The following ARMC2 variants were observed in gnomAD, a reference collection of about 807,000 sequenced individuals.
ARMC2 encodes armadillo repeat containing 2, also known as armadillo repeat-containing protein 2.
A neutral mutation model predicts 90.3 loss-of-function variants in ARMC2; 67 were observed. The ratio of observed to expected loss-of-function variants is 0.74; its 90% CI spans 0.61 to 0.91. The LOEUF (loss-of-function observed/expected upper bound fraction) is 0.91, where lower values mean the gene tolerates loss of function less well. ARMC2 is among the 40% of genes least tolerant of loss of function. The probability of loss-of-function intolerance (pLI) is 0.00; values close to 1 mark genes in which losing one functional copy is unlikely to be tolerated. For synonymous variants in ARMC2, 393 were observed against 393.0 expected, an observed-to-expected ratio of 1.00 and a Z score of 0.00; for missense variants, 920 against 1,030.9, an observed-to-expected ratio of 0.89 and a Z score of 1.47.
chr6:109,032,099 A>C, the ARMC2 span, among the ~76,000 whole-genome samples: 1 of 152,008 alleles, frequency 6.6e-6, no homozygotes. Flanking sequence ...GAGAAACCCC[A>C]CCTCTACTAA....
In ARMC2 at chr6:108,928,173, C is replaced by A; in HGVS notation, c.1436C>A (p.Thr479Lys). Residue 479 changes from threonine to lysine, a missense_variant, in exon 11 of 18, where the codon ACG (threonine) becomes AAG (lysine). Thr to Lys is a moderately conservative substitution (Grantham distance 78). Coordinates refer to ENST00000392644, the MANE Select transcript of ARMC2 (RefSeq NM_032131.6). ...LNISALPQLC[T>K]AMEQYKGDKD... ...ATCAGTGCCCTTCCCCAGCTCTGCA[C>A]GGCAATGGAACAGTACAAGGGTGAC... The A allele has an allele frequency of 6.2e-7, 1 of 1,612,654 alleles. No individual in the cohort carries two copies. Among genetic ancestry groups the A allele is most frequent in the African/African-American group, 1.3e-5 (1 of 74,968 alleles).
Position 108,912,461 on chromosome 6 carries a change from G to A in ARMC2, c.1253G>A (p.Gly418Asp), listed in dbSNP as rs370277872. Residue 418 changes from glycine (G) to aspartate (D), a missense_variant, in exon 10 of 18, where the codon GGT (glycine) becomes GAT (aspartate). Physicochemically the swap from Gly to Asp is moderately conservative, Grantham distance 94. Coordinates refer to ENST00000392644, the MANE Select transcript of ARMC2 (RefSeq NM_032131.6). ...TTTCTTAATGAAATGATCAGCAAAGGTGCTGTGGAAATACTGATAAATTTG... is the reference window on the plus strand; with the variant it reads ...TTTCTTAATGAAATGATCAGCAAAGATGCTGTGGAAATACTGATAAATTTG... ...LGFLNEMISK[G>D]AVEILINLIK... is the part of the protein sequence containing the mutation. 14 of 1,613,854 alleles carry A rather than the reference G, an allele frequency of 8.7e-6. No individual in the cohort carries two copies. Among genetic ancestry groups the A allele is most frequent in the South Asian group, 2.2e-5 (2 of 91,078 alleles).
chr6:108,981,322 C>A, the ARMC2 span, among the ~76,000 whole-genome samples: 446 of 152,144 alleles, frequency 2.9e-3, 2 homozygotes, highest in Middle Eastern at 6.8e-3. Flanking sequence ...TTAAACAAAA[C>A]CTGTGATTAA....
chr6:109,009,460 T>A, the ARMC2 span: 1 of 1,304,312 alleles, frequency 7.7e-7, no homozygotes, highest in Non-Finnish European at 9.8e-7. Flanking sequence ...GCCAAGCGCA[T>A]GTCGGCGCGG....
intron 12 of ARMC2, among the ~76,000 whole-genome samples, chr6:108,944,074 T>C (rs1385706385): frequency 2.6e-5 from 4 of 152,176 alleles, no homozygotes; most frequent in Non-Finnish European, 5.9e-5. Context: ...AGGTGGTTCT[T>C]TAAAACCATT....
chr6:109,019,605 A>T, the ARMC2 span, among the ~76,000 whole-genome samples: 1 of 152,210 alleles, frequency 6.6e-6, no homozygotes, highest in Admixed American at 6.5e-5. Flanking sequence ...TCCTTTAGTG[A>T]CACACATGCC....
chr6:108,910,827 TGTG>T, intron 8 of ARMC2, 69 bp from the exon 9 acceptor site: 2 of 705,212 alleles, frequency 2.8e-6, no homozygotes, highest in Non-Finnish European at 4.4e-6. Context: ...TAAAAATAGA[TGTG>T]GTTTATTTTT....
rs202160744 is a variant in ARMC2, at chr6:108,973,550, G to A, written c.*36G>A. ...ATTAACAGTAGAAACGAGAACTCAC[G>A]TCTCCCTCATTCTTAAGAACTGGTA... On this transcript the variant is annotated 3_prime_UTR_variant, in exon 18 of 18. Coordinates refer to ENST00000392644, the MANE Select transcript of ARMC2 (RefSeq NM_032131.6). 65 of 1,549,714 alleles carry A rather than the reference G, an allele frequency of 4.2e-5. No individual in the cohort carries two copies. The highest frequency in any genetic ancestry group is 6.8e-5 in the East Asian group (3 of 44,090).
At chr6:108,996,030 A>G in the ARMC2 span, among the ~76,000 whole-genome samples, 1 of 152,194 alleles carries the variant, frequency 6.6e-6, no homozygotes, top group Non-Finnish European at 1.5e-5. Context: ...ATCATAATTT[A>G]TAATTGTTAC....
At chr6:108,856,766 T>A (rs921425714) in intron 2 of ARMC2, 1 of 152,308 alleles carries the variant, frequency 6.6e-6, no homozygotes, top group African/African-American at 2.4e-5. Context: ...AAGGTGGATC[T>A]TGAATACACT....
chr6:109,018,413 T>C, the ARMC2 span, among the ~76,000 whole-genome samples: 1 of 152,198 alleles, frequency 6.6e-6, no homozygotes, highest in Non-Finnish European at 1.5e-5. Flanking sequence ...TTTTAAAAAA[T>C]TAATGCGTGT....
At chr6:108,988,538 C>T in the ARMC2 span, 34 of 1,604,322 alleles carry the variant, frequency 2.1e-5, 1 homozygote, top group South Asian at 3.6e-4. Flanking sequence ...ACAATAGGCA[C>T]ATACCTTCTC....
intron 12 of ARMC2, among the ~76,000 whole-genome samples, chr6:108,943,675 C>G (rs2768553): frequency 6.6e-6 from 1 of 151,498 alleles, no homozygotes; most frequent in Admixed American, 6.6e-5. Context: ...TAAAAAAAAA[C>G]CCACAAAAAT....
intron 7 of ARMC2, among the ~76,000 whole-genome samples, chr6:108,903,040 C>T (rs1258795849): frequency 2.0e-5 from 3 of 151,968 alleles, no homozygotes; most frequent in Non-Finnish European, 4.4e-5. Context: ...TGGTGACAAG[C>T]GTCTGGAGTC....
chr6:109,015,572 C>T, the ARMC2 span, among the ~76,000 whole-genome samples: 3 of 152,210 alleles, frequency 2.0e-5, no homozygotes, highest in Admixed American at 2.0e-4. Context: ...TTCATTCAGA[C>T]ATATTACAAT....
chr6:108,931,024 C>T (rs1775521585), intron 11 of ARMC2, among the ~76,000 whole-genome samples: 1 of 151,392 alleles, frequency 6.6e-6, no homozygotes, highest in Admixed American at 6.6e-5. Flanking sequence ...GAATTAAGCC[C>T]AGTATCCAAT....
intron 5 of ARMC2, among the ~76,000 whole-genome samples, chr6:108,886,736 TA>T (rs1477803891): frequency 1.3e-5 from 2 of 152,146 alleles, no homozygotes; most frequent in Non-Finnish European, 2.9e-5. Context: ...AACCATGTAG[TA>T]CCTGGATTTT....
At chr6:108,937,928 C>A (rs552756449) in intron 12 of ARMC2, among the ~76,000 whole-genome samples, 1 of 152,032 alleles carries the variant, frequency 6.6e-6, no homozygotes, top group East Asian at 1.9e-4. Context: ...GATCTCCTGA[C>A]CTCATGATCC....
intron 5 of ARMC2, among the ~76,000 whole-genome samples, chr6:108,889,467 G>T (rs1435019787): frequency 6.6e-6 from 1 of 151,108 alleles, no homozygotes; most frequent in Non-Finnish European, 1.5e-5. Flanking sequence ...TTGAGACAGG[G>T]TCTCACTCTG....
Sources: gnomAD v4.1 joint callset for allele counts (sites outside exome capture counted in the v4.1 genomes callset) on GRCh38, gnomAD v4.1.1 for gene constraint, MANE v1.5 for transcripts, NCBI Gene and HGNC (gene_info 2026-07-23, HGNC 2026-07-21) for gene names.